Variants in ECEL1 observed in about 807,000 individuals in gnomAD.
ECEL1 encodes endothelin converting enzyme like 1.
ECEL1 carries 87 observed loss-of-function variants against 101.8 expected under a neutral mutation model. That is an observed-to-expected ratio of 0.85 (90% confidence interval 0.72 to 1.02). The LOEUF (loss-of-function observed/expected upper bound fraction) is 1.02, where lower values mean the gene tolerates loss of function less well. Ranked by LOEUF, ECEL1 falls within the 50% of genes least tolerant of loss-of-function variation. The pLI is 0.00. For synonymous variants in ECEL1, 487 were observed against 468.7 expected (o/e 1.04, Z -0.50); for missense variants, 1,032 against 1,079.2 (o/e 0.96, Z 0.61).
At position 232,480,706 on chromosome 2, in the gene ECEL1, C is replaced by T. The variant is rs544876492; in HGVS notation, c.2151+12G>A. 6.2e-6 allele frequency: 10 copies of T among 1,613,712 alleles called. No individual in the cohort carries two copies. In the East Asian group the frequency reaches 1.6e-4, roughly 25 times the overall value. On this transcript the variant is annotated intron_variant, in intron 16 of 17. Coordinates refer to ENST00000304546, the MANE Select transcript of ECEL1 (RefSeq NM_004826.4). ...CCCCAAGGCTCCCAGTCCAATCCCC[C>T]ACCCAGCCCACCTGGGCAAAGGCAA...
chr2:232,482,594 G>T lies in ECEL1; in HGVS notation c.1700C>A (p.Pro567Gln), dbSNP rs183806308. The T allele has an allele frequency of 1.7e-5, 27 of 1,612,236 alleles. No homozygotes were observed. Among genetic ancestry groups the T allele is most frequent in the Admixed American group, 1.3e-4 (8 of 59,948 alleles). ...EVDKSTWLLPPQALNAYYLPN... is the reference protein window; with the variant it reads ...EVDKSTWLLPQQALNAYYLPN... Reference sequence around the variant, plus strand: ...TAGATAGTAGGCATTGAGCGCCTGTGGGGGGAGCAGCCACCTGTGGAGGGA... The same window carrying T: ...TAGATAGTAGGCATTGAGCGCCTGTTGGGGGAGCAGCCACCTGTGGAGGGA... Residue 567 changes from proline to glutamine, a missense_variant, in exon 11 of 18, where the codon CCA becomes CAA. Transcript: ENST00000304546.
intron 10 of ECEL1, 85 bp from the exon 11 acceptor site, chr2:232,482,693 C>T (rs1310762044): frequency 6.5e-7 from 1 of 1,540,084 alleles, no homozygotes; most frequent in African/African-American, 1.4e-5. Flanking sequence ...CAGCCATCTC[C>T]TGACAGTCTG....
intron 2 of ECEL1, 99 bp downstream of exon 2, chr2:232,485,769 C>A: frequency 7.0e-7 from 1 of 1,438,764 alleles, no homozygotes. Flanking sequence ...TCCCTCCTCT[C>A]CTCTCACGCA....
At position 232,481,833 on chromosome 2, in the gene ECEL1, C is replaced by A. The variant is rs780937186; in HGVS notation, c.1813G>T (p.Gly605Cys). 3 of 1,613,990 alleles carry A rather than the reference C, an allele frequency of 1.9e-6. No individual in the cohort carries two copies. Among genetic ancestry groups the A allele is most frequent in the East Asian group, 4.5e-5 (2 of 44,876 alleles). Residue 605 changes from glycine to cysteine, a missense_variant, in exon 13 of 18, where the codon GGC becomes TGC. Gly to Cys is a radical substitution (Grantham distance 159). Coordinates refer to ENST00000304546, the MANE Select transcript of ECEL1 (RefSeq NM_004826.4). ...PDFPQSLNYG[G>C]IGTIIGHELT... Reference sequence around the variant, plus strand: ...TCATGTCCAATGATGGTGCCGATGCCCCCGTAGTTGAGAGACCTGGGCCCA... The same window carrying A: ...TCATGTCCAATGATGGTGCCGATGCACCCGTAGTTGAGAGACCTGGGCCCA...
intron 3 of ECEL1, 54 bp from the exon 4 acceptor site, chr2:232,485,145 C>A: frequency 6.2e-7 from 1 of 1,612,264 alleles, no homozygotes; most frequent in African/African-American, 1.3e-5. Context: ...AGCCTGGATC[C>A]ACCCCTCCTG....
In ECEL1 at chr2:232,481,841, T is replaced by A; in HGVS notation, c.1805A>T (p.Asn602Ile). Residue 602 changes from asparagine (N) to isoleucine (I), a missense_variant, in exon 13 of 18, where the codon AAC (asparagine) becomes ATC (isoleucine). By Grantham distance (149) the Asn-to-Ile change is moderately radical (BLOSUM62 -3). Coordinates refer to ENST00000304546, the MANE Select transcript of ECEL1 (RefSeq NM_004826.4). ...AATGATGGTGCCGATGCCCCCGTAGTTGAGAGACCTGGGCCCACAGCAGCA... is the reference window on the plus strand; with the variant it reads ...AATGATGGTGCCGATGCCCCCGTAGATGAGAGACCTGGGCCCACAGCAGCA... ...LYDPDFPQSLNYGGIGTIIGH... is the reference protein window; with the variant it reads ...LYDPDFPQSLIYGGIGTIIGH... 6.2e-7 allele frequency: 1 copy of A among 1,613,922 alleles called. No individual in the cohort carries two copies. Among genetic ancestry groups the A allele is most frequent in the Non-Finnish European group, 8.5e-7 (1 of 1,179,994 alleles).
rs1690603854 is a variant in ECEL1, at chr2:232,482,449, G to T, written c.1765C>A (p.Gln589Lys). Residue 589 changes from glutamine to lysine, a missense_variant, in exon 12 of 18, where the codon CAG becomes AAG. By Grantham distance (53) the Gln-to-Lys change is moderately conservative. Transcript: ENST00000304546. Reference protein sequence around the residue: ...NQMVFPAGILQPTLYDPDFPQ... With the variant: ...NQMVFPAGILKPTLYDPDFPQ... The stretch of plus-strand genomic sequence containing the variant: ...AAGTCAGGGTCGTACAGGGTGGGCT[G>T]CAGGATGCCCGCGGGGAACACTACA... 1 of 1,614,020 alleles carries T rather than the reference G, an allele frequency of 6.2e-7. No homozygotes were observed. Among genetic ancestry groups the T allele is most frequent in the South Asian group, 1.1e-5 (1 of 91,082 alleles).
chr2:232,481,378 G>A (rs1030472693), intron 14 of ECEL1, 128 bp downstream of exon 14: 60 of 1,466,914 alleles, frequency 4.1e-5, no homozygotes, highest in African/African-American at 8.4e-5. Flanking sequence ...CGTGGGAACC[G>A]AATGTGTGTG....
intron 14 of ECEL1, 70 bp downstream of exon 14, chr2:232,481,436 G>T (rs967290967): frequency 6.5e-6 from 10 of 1,548,940 alleles, no homozygotes; most frequent in Non-Finnish European, 8.7e-6. Context: ...CGTGCGCAAG[G>T]GTGTGCGTGA....
rs971146639 is a variant in ECEL1, at chr2:232,487,745, G to T, written c.-128C>A. On this transcript the variant is annotated 5_prime_UTR_variant, in exon 1 of 18. Coordinates refer to ENST00000304546, the MANE Select transcript of ECEL1 (RefSeq NM_004826.4). ...CGGCAGGTGCGCGCCCGAGCCGGCGGTGACCGAGCGGGTCGGGCCCGAGCG... is the reference window on the plus strand; with the variant it reads ...CGGCAGGTGCGCGCCCGAGCCGGCGTTGACCGAGCGGGTCGGGCCCGAGCG... 1.3e-5 allele frequency: 2 copies of T among 150,554 alleles called. No individual in the cohort carries two copies. Among genetic ancestry groups the T allele is most frequent in the Non-Finnish European group, 3.0e-5 (2 of 67,392 alleles). 9.3% of individuals were successfully genotyped at this position (150,554 alleles called of 1,614,324 possible). A position where few individuals can be genotyped will look rare whatever the true frequency, so the allele number is the denominator to read the frequency against.
chr2:232,486,063 G>A lies in ECEL1; in HGVS notation c.591C>T (p.Gly197=). Reference sequence around the variant, plus strand: ...CGATGACCTCTAGCATGGGTCGCGGGCCCAGTCGCTCGATCTCGCGCATGT... The same window carrying A: ...CGATGACCTCTAGCATGGGTCGCGGACCCAGTCGCTCGATCTCGCGCATGT... ...CLDMREIERL[G]PRPMLEVIED... Residue 197 remains glycine (G), a synonymous_variant, in exon 2 of 18, where the codon GGC becomes GGT. Coordinates refer to ENST00000304546, the MANE Select transcript of ECEL1 (RefSeq NM_004826.4). 1 of 1,606,108 alleles carries A rather than the reference G, an allele frequency of 6.2e-7. No homozygotes were observed. Among genetic ancestry groups the A allele is most frequent in the Non-Finnish European group, 8.5e-7 (1 of 1,177,380 alleles).
intron 6 of ECEL1, 25 bp from the exon 7 acceptor site, chr2:232,484,248 G>A (rs747393129): frequency 6.3e-6 from 10 of 1,599,640 alleles, no homozygotes; most frequent in South Asian, 4.4e-5. Flanking sequence ...AAGCCAGTGG[G>A]TGTCCAGACG....
At chr2:232,483,609 C>T in intron 7 of ECEL1, 95 bp from the exon 8 acceptor site, 1 of 1,039,178 alleles carries the variant, frequency 9.6e-7, no homozygotes, top group Non-Finnish European at 1.4e-6. Context: ...GCACCACTTT[C>T]TAAGCCCAAA....
At position 232,484,833 on chromosome 2, in the gene ECEL1, T is replaced by C. The variant is rs1173116509; in HGVS notation, c.1027A>G (p.Thr343Ala). The C allele has an allele frequency of 1.9e-6, 3 of 1,614,000 alleles. No homozygotes were observed. The East Asian group carries it at 6.7e-5, about 36-fold the overall frequency. The change falls in exon 5 of 18, where the codon ACG becomes GCG. Residue 343 changes from threonine to alanine, a missense_variant. Thr to Ala is a moderately conservative substitution (Grantham distance 58). Coordinates refer to ENST00000304546, the MANE Select transcript of ECEL1 (RefSeq NM_004826.4). Reference sequence around the variant, plus strand: ...GTGATCTTCTGCAGCTGCCCCAGCGTCACCTTGTTGTACATGGAGCTGACA... The same window carrying C: ...GTGATCTTCTGCAGCTGCCCCAGCGCCACCTTGTTGTACATGGAGCTGACA... The part of the protein sequence containing the change: ...RDVSSMYNKV[T>A]LGQLQKITPH...
At position 232,482,919 on chromosome 2, in the gene ECEL1, G is replaced by C; in HGVS notation, c.1617C>G (p.Ile539Met). Residue 539 changes from isoleucine (I) to methionine (M), a missense_variant, in exon 10 of 18, where the codon ATC becomes ATG. Coordinates refer to ENST00000304546, the MANE Select transcript of ECEL1 (RefSeq NM_004826.4). ...EVHEKTYFKN[I>M]LNSIRFSIQL... Reference sequence around the variant, plus strand: ...GGATGCTGAAGCGGATGCTGTTCAAGATGTTCTTGAAGTAGGTCTTCTCAT... The same window carrying C: ...GGATGCTGAAGCGGATGCTGTTCAACATGTTCTTGAAGTAGGTCTTCTCAT... The C allele has an allele frequency of 1.2e-6, 2 of 1,614,200 alleles. No homozygotes were observed. The highest frequency in any genetic ancestry group is 2.2e-5 in the South Asian group (2 of 91,088).
Position 232,486,571 on chromosome 2 carries a change from G to A in ECEL1, c.83C>T (p.Ala28Val), listed in dbSNP as rs988540105. ...GCCCGGGGGCAGGGAGGCCCCGCGC[G>A]CGCCCCCCGCGCCGCAGCGGCTCAC... Reference protein sequence around the residue: ...KYVSRCGAGGARGASLPPGFP... With the variant: ...KYVSRCGAGGVRGASLPPGFP... The change falls in exon 2 of 18, where the codon GCG (alanine) becomes GTG (valine). Residue 28 changes from alanine (A) to valine (V), a missense_variant. By Grantham distance (64) the Ala-to-Val change is moderately conservative. Transcript: ENST00000304546. 1.8e-5 allele frequency: 25 copies of A among 1,379,990 alleles called. No individual in the cohort carries two copies. The South Asian group carries it at 3.7e-4, about 20-fold the overall frequency. 85.5% of individuals were successfully genotyped at this position (1,379,990 alleles called of 1,614,324 possible).
At chr2:232,487,298 C>T (rs1390309628) in intron 1 of ECEL1, among the ~76,000 whole-genome samples, 3 of 152,144 alleles carry the variant, frequency 2.0e-5, no homozygotes, top group Admixed American at 6.5e-5. Flanking sequence ...CTCGGTGGCC[C>T]GACGGCCCAC....
At position 232,479,855 on chromosome 2, in the gene ECEL1, T is replaced by C. The variant is rs940033096; in HGVS notation, c.*298A>G. On this transcript the variant is annotated 3_prime_UTR_variant, in exon 18 of 18. Coordinates refer to ENST00000304546, the MANE Select transcript of ECEL1 (RefSeq NM_004826.4). ...AGTGCAGTGATTTATTGACCAGACT[T>C]TGCAGCAAGAACACAGCGAAGGTGG... The C allele has an allele frequency of 6.8e-6, 3 of 439,186 alleles. No homozygotes were observed. Among genetic ancestry groups the C allele is most frequent in the Non-Finnish European group, 1.2e-5 (3 of 241,094 alleles). 27.2% of individuals were successfully genotyped at this position (439,186 alleles called of 1,614,324 possible). A position where few individuals can be genotyped will look rare whatever the true frequency, so the allele number is the denominator to read the frequency against.
Position 232,480,129 on chromosome 2 carries a change from G to C in ECEL1, c.*24C>G. On this transcript the variant is annotated 3_prime_UTR_variant, in exon 18 of 18. Coordinates refer to ENST00000304546, the MANE Select transcript of ECEL1 (RefSeq NM_004826.4). Reference sequence around the variant, plus strand: ...GAGGTGATTCGTGCGGGGGCAGTGGGGGCGTGCAGGCGGGCAGCCAGGCTC... The same window carrying C: ...GAGGTGATTCGTGCGGGGGCAGTGGCGGCGTGCAGGCGGGCAGCCAGGCTC... The C allele has an allele frequency of 6.2e-7, 1 of 1,610,892 alleles. No individual in the cohort carries two copies. The highest frequency in any genetic ancestry group is 8.5e-7 in the Non-Finnish European group (1 of 1,177,690).
Sources: allele counts gnomAD v4.1 joint callset (sites outside exome capture counted in the v4.1 genomes callset), GRCh38; gene constraint gnomAD v4.1.1; transcripts MANE v1.5; gene names NCBI Gene and HGNC (gene_info 2026-07-23, HGNC 2026-07-21).